The following PCDH7 variants were observed in gnomAD, a reference collection of about 807,000 sequenced individuals.
The protein encoded by PCDH7 is protocadherin-7.
PCDH7 carries 17 observed loss-of-function variants against 58.9 expected under a neutral mutation model. The ratio of observed to expected loss-of-function variants is 0.29; its 90% CI spans 0.20 to 0.43. The LOEUF is 0.43. Ranked by LOEUF, PCDH7 falls within the 20% of genes least tolerant of loss-of-function variation. The pLI is 1.00. For missense variants in PCDH7, 1,274 were observed against 1,441.0 expected (o/e 0.88, Z 1.88); for synonymous variants, 664 against 616.4 (o/e 1.08, Z -1.14).
At chr4:30,905,055 G>C (rs190909767) in intron 1 of PCDH7, among the ~76,000 whole-genome samples, 1 of 151,914 alleles carries the variant, frequency 6.6e-6, no homozygotes, top group African/African-American at 2.4e-5. Context: ...AAATGTCTAA[G>C]ATAGAAAAAG....
intron 3 of PCDH7, among the ~76,000 whole-genome samples, chr4:31,081,487 G>A (rs2109269478): frequency 6.6e-6 from 1 of 152,152 alleles, no homozygotes; most frequent in South Asian, 2.1e-4. Context: ...TTCTTAATAT[G>A]GCCCTTAAAT....
At position 30,811,066 on chromosome 4, in the gene PCDH7, C is replaced by T. The variant is rs551592973; in HGVS notation, c.70+86470C>T. Among the ~76,000 whole-genome samples, 19 of 152,256 alleles carry T rather than the reference C, an allele frequency of 1.2e-4. No individual in the cohort carries two copies. In the South Asian group the frequency reaches 3.3e-3, roughly 27 times the overall value. On this transcript the variant is annotated intron_variant, in intron 1 of 3. Transcript: ENST00000509759. ...GACTATGCATCATGGTTTACCATGA[C>T]GGATTATTGCTATTTGTCCATTTCA...
At chr4:31,003,712 C>T (rs1752540043) in intron 3 of PCDH7, among the ~76,000 whole-genome samples, 1 of 151,412 alleles carries the variant, frequency 6.6e-6, no homozygotes, top group African/African-American at 2.4e-5. Context: ...TCGAGACCAT[C>T]TTGGCTAACA....
chr4:30,999,133 C>G (rs1752143988), intron 3 of PCDH7, among the ~76,000 whole-genome samples: 1 of 152,094 alleles, frequency 6.6e-6, no homozygotes, highest in Non-Finnish European at 1.5e-5. Flanking sequence ...ACATCTATAA[C>G]CCTACCTGGC....
chr4:30,909,644 G>T (rs1303199287), intron 1 of PCDH7, among the ~76,000 whole-genome samples: 1 of 152,138 alleles, frequency 6.6e-6, no homozygotes, highest in African/African-American at 2.4e-5. Context: ...TCTTCAAGGA[G>T]AACTACAAAC....
downstream of PCDH7, chr4:31,143,813 T>G (rs1399487512): frequency 6.6e-6 from 1 of 152,168 alleles, no homozygotes; most frequent in African/African-American, 2.4e-5. Flanking sequence ...ACTAGTTCAT[T>G]TTATAGTGCC....
intron 3 of PCDH7, among the ~76,000 whole-genome samples, chr4:31,056,430 AAAAGAAAGAAGGAAAGAAAGAAAGAAAG>A (rs1560608369): frequency 1.0e-5 from 1 of 98,778 alleles, no homozygotes; most frequent in African/African-American, 5.6e-5. Flanking sequence ...GAAGGAAAGA[AAAAGAAAGAAGGAAAGAAAGAAAGAAAG>A]AAGAAAGAAA....
intron 3 of PCDH7, among the ~76,000 whole-genome samples, chr4:31,130,295 T>C (rs375382286): frequency 5.9e-5 from 9 of 152,176 alleles, no homozygotes; most frequent in Admixed American, 3.9e-4. Flanking sequence ...GGTGTGTTGA[T>C]TGATCATATA....
chr4:31,110,442 A>G (rs973383258), intron 3 of PCDH7, among the ~76,000 whole-genome samples: 1 of 152,228 alleles, frequency 6.6e-6, no homozygotes, highest in Non-Finnish European at 1.5e-5. Context: ...TTGTTCACTT[A>G]TGGAAACTAG....
chr4:30,868,861 G>A (rs1735196347), intron 1 of PCDH7, among the ~76,000 whole-genome samples: 1 of 152,068 alleles, frequency 6.6e-6, no homozygotes. Flanking sequence ...CTGATGTACA[G>A]GGTGACTTCC....
intron 3 of PCDH7, among the ~76,000 whole-genome samples, chr4:31,021,269 A>G (rs1052342966): frequency 6.6e-6 from 1 of 152,178 alleles, no homozygotes; most frequent in African/African-American, 2.4e-5. Flanking sequence ...GTGGTCTTAC[A>G]TAGCCCCTAG....
intron 1 of PCDH7, among the ~76,000 whole-genome samples, chr4:30,778,237 T>C (rs956975703): frequency 6.6e-6 from 1 of 152,172 alleles, no homozygotes; most frequent in African/African-American, 2.4e-5. Context: ...ATCCTTATGA[T>C]AATTTGGTAG....
At chr4:30,945,919 A>G (rs1164606414) in intron 2 of PCDH7, among the ~76,000 whole-genome samples, 1 of 152,076 alleles carries the variant, frequency 6.6e-6, no homozygotes, top group Admixed American at 6.6e-5. Context: ...CCTGCCTATA[A>G]CATTATGGAC....
At chr4:31,126,608 C>T (rs16884384) in intron 3 of PCDH7, among the ~76,000 whole-genome samples, 48,655 of 151,892 alleles carry the variant, frequency 0.32, 8,288 homozygotes, top group African/African-American at 0.44. Flanking sequence ...GAATTTTCCC[C>T]GAGATTTTAT....
chr4:30,919,166 G>A (rs1023668711), intron 1 of PCDH7, among the ~76,000 whole-genome samples: 1 of 152,086 alleles, frequency 6.6e-6, no homozygotes, highest in Non-Finnish European at 1.5e-5. Context: ...GCAGCTTTAT[G>A]GATACAACTA....
At chr4:31,073,218 A>G (rs1202450088) in intron 3 of PCDH7, among the ~76,000 whole-genome samples, 2 of 152,214 alleles carry the variant, frequency 1.3e-5, no homozygotes, top group Admixed American at 6.5e-5. Context: ...GCTACATAGC[A>G]TTACATCATT....
intron 3 of PCDH7, among the ~76,000 whole-genome samples, chr4:31,070,052 A>AT (rs1255549915): frequency 1.3e-5 from 2 of 152,008 alleles, no homozygotes; most frequent in Non-Finnish European, 2.9e-5. Flanking sequence ...TCTGTGAATG[A>AT]TTGATCTACT....
chr4:31,139,052 A>T (rs1719949070), intron 3 of PCDH7, among the ~76,000 whole-genome samples: 1 of 152,142 alleles, frequency 6.6e-6, no homozygotes, highest in Non-Finnish European at 1.5e-5. Flanking sequence ...AAGGATCTTA[A>T]CTTTCTAATA....
chr4:30,908,186 A>C (rs2109401993), intron 1 of PCDH7, among the ~76,000 whole-genome samples: 1 of 151,624 alleles, frequency 6.6e-6, no homozygotes, highest in South Asian at 2.1e-4. Context: ...TGGCACATGT[A>C]TGCCTATGTA....
Sources: allele counts gnomAD v4.1 joint callset (sites outside exome capture counted in the v4.1 genomes callset), GRCh38; gene constraint gnomAD v4.1.1; transcripts MANE v1.5; gene names NCBI Gene and HGNC (gene_info 2026-07-23, HGNC 2026-07-21).